The following PTPN7 variants were observed in gnomAD, a reference collection of about 807,000 sequenced individuals.
The protein encoded by PTPN7 is protein tyrosine phosphatase non-receptor type 7.
In PTPN7, 33 loss-of-function variants were observed where a neutral mutation model predicts 50.3. The ratio of observed to expected loss-of-function variants is 0.66; its 90% CI spans 0.50 to 0.88. The LOEUF (loss-of-function observed/expected upper bound fraction) is 0.88. Among genes scored for constraint, PTPN7 ranks in the 40% least tolerant of loss-of-function variants. The pLI is 0.00. For missense variants in PTPN7, 412 were observed against 475.4 expected (o/e 0.87, Z 1.24); for synonymous variants, 185 against 186.6 (o/e 0.99, Z 0.07).
At chr1:202,158,343 T>C in intron 2 of PTPN7, 42 bp from the exon 3 acceptor site, 4 of 1,597,086 alleles carry the variant, frequency 2.5e-6, no homozygotes, top group Non-Finnish European at 3.4e-6. Flanking sequence ...CACCCAATCA[T>C]ATTTGCTTTT....
upstream of PTPN7, chr1:202,161,102 A>C: frequency 1.5e-6 from 2 of 1,304,534 alleles, no homozygotes; most frequent in Non-Finnish European, 2.0e-6. Context: ...CACAGACCAC[A>C]TCTTCCCAGA....
chr1:202,153,345 A>G (rs1656258468), intron 7 of PTPN7, among the ~76,000 whole-genome samples: 1 of 152,100 alleles, frequency 6.6e-6, no homozygotes, highest in African/African-American at 2.4e-5. Flanking sequence ...GCTGGTCTGG[A>G]ACTCCTGACC....
intron 6 of PTPN7, 151 bp downstream of exon 6, chr1:202,154,035 A>C: frequency 8.4e-7 from 1 of 1,195,716 alleles, no homozygotes; most frequent in Non-Finnish European, 1.2e-6. Context: ...ACAGCCTCCC[A>C]GGGCTATATC....
Position 202,157,774 on chromosome 1 carries a change from T to C in PTPN7, c.356A>G (p.His119Arg). The C allele has an allele frequency of 6.2e-7, 1 of 1,614,168 alleles. No individual in the cohort carries two copies. Among genetic ancestry groups the C allele is most frequent in the Non-Finnish European group, 8.5e-7 (1 of 1,180,006 alleles). The change falls in exon 4 of 10, where the codon CAC becomes CGC. Residue 119 changes from histidine to arginine, a missense_variant. Transcript: ENST00000691036. Reference sequence around the variant, plus strand: ...GGTCTTGTATCGGTCCTTGGAGGCGTGGCCAGGGATGTCCAGGTCTTCGGG... The same window carrying C: ...GGTCTTGTATCGGTCCTTGGAGGCGCGGCCAGGGATGTCCAGGTCTTCGGG... ...VSPEDLDIPG[H>R]ASKDRYKTIL...
intron 9 of PTPN7, 90 bp downstream of exon 9, chr1:202,150,221 G>T: frequency 2.1e-6 from 2 of 971,444 alleles, no homozygotes; most frequent in Non-Finnish European, 3.2e-6. Context: ...AGGAGTGCTT[G>T]ATGGTGATGG....
intron 6 of PTPN7, 65 bp from the exon 7 acceptor site, chr1:202,153,900 G>A: frequency 7.4e-7 from 1 of 1,345,638 alleles, no homozygotes; most frequent in South Asian, 1.2e-5. Context: ...GCAGCAGAGA[G>A]GGGCTGGTAT....
chr1:202,153,163 T>C (rs1402652030), intron 7 of PTPN7, among the ~76,000 whole-genome samples: 2 of 152,200 alleles, frequency 1.3e-5, no homozygotes, highest in African/African-American at 4.8e-5. Flanking sequence ...TGTTTTATTT[T>C]GTTTGTTTTT....
intron 4 of PTPN7, among the ~76,000 whole-genome samples, 157 bp downstream of exon 4, chr1:202,157,582 G>A (rs1571758938): frequency 6.6e-6 from 1 of 152,036 alleles, no homozygotes. Flanking sequence ...TATTGCTGCT[G>A]TTGTGATTCT....
chr1:202,154,998 C>T (rs1656488314), intron 5 of PTPN7, among the ~76,000 whole-genome samples: 1 of 152,194 alleles, frequency 6.6e-6, no homozygotes, highest in South Asian at 2.1e-4. Context: ...GTCTTACCCA[C>T]ATTGAGTCAC....
rs899042472 is a variant in PTPN7, at chr1:202,160,281, G to A, written c.-53+264C>T. Among the ~76,000 whole-genome samples, 1 of 152,070 alleles carries A rather than the reference G, an allele frequency of 6.6e-6. No individual in the cohort carries two copies. The highest frequency in any genetic ancestry group is 6.5e-5 in the Admixed American group (1 of 15,272). The stretch of plus-strand genomic sequence containing the variant: ...GGACGGAGGTGAGGGGACAGAATGG[G>A]CCTGGCACAGGTGTGAGTGGTAGAG... On this transcript the variant is annotated intron_variant, in intron 1 of 9. Coordinates refer to ENST00000691036, the MANE Select transcript of PTPN7 (RefSeq NM_002832.4). The surrounding 1 kb of genome is among the most constrained non-coding windows in gnomAD (Gnocchi z 4.8).
At position 202,148,030 on chromosome 1, in the gene PTPN7, G is replaced by A. The variant is rs1430385958; in HGVS notation, c.*576C>T. On this transcript the variant is annotated 3_prime_UTR_variant, in exon 10 of 10. Coordinates refer to ENST00000691036, the MANE Select transcript of PTPN7 (RefSeq NM_002832.4). The stretch of plus-strand genomic sequence containing the variant: ...TCCAGCCCTTCCGATGTGTGGTCAG[G>A]GAGCAGAGTCACTGATAGGATGTTG... 6.6e-6 allele frequency: 1 copy of A among 152,274 alleles called. No individual in the cohort carries two copies. The highest frequency in any genetic ancestry group is 1.9e-4 in the East Asian group (1 of 5,200). The allele number at this position is 152,274 out of a possible 1,614,324, so 9.4% of individuals were successfully genotyped here.
chr1:202,155,612 A>G lies in PTPN7; in HGVS notation c.392-3T>C, dbSNP rs770656339. On this transcript the variant is annotated splice_polypyrimidine_tract_variant and splice_region_variant and intron_variant, in intron 4 of 9. Transcript: ENST00000691036. ...TAGACAGACACGGCTCTGGGGATCT[A>G]GGAAATAAAAATCAGCAGAGGTCAG... 3 of 1,553,618 alleles carry G rather than the reference A, an allele frequency of 1.9e-6. No homozygotes were observed. In the South Asian group the frequency reaches 3.3e-5, roughly 17 times the overall value.
rs1657178010 is a variant in PTPN7 at position 202,160,032 on chromosome 1, T to C, written c.-53+513A>G. ...TCCAGGGAGGTAGGCTGGAGGTGTT[T>C]CCTTCCTCCTCCTGCCCATCCCCCC... is the stretch of plus-strand genomic sequence containing the variant. On this transcript the variant is annotated intron_variant, in intron 1 of 9. Coordinates refer to ENST00000691036, the MANE Select transcript of PTPN7 (RefSeq NM_002832.4). The surrounding 1 kb of genome is among the most constrained non-coding windows in gnomAD (Gnocchi z 4.8). 2 of 948,448 alleles carry C rather than the reference T, an allele frequency of 2.1e-6. No homozygotes were observed. Among genetic ancestry groups the C allele is most frequent in the African/African-American group, 1.8e-5 (1 of 56,466 alleles). 58.8% of individuals were successfully genotyped at this position (948,448 alleles called of 1,614,324 possible).
chr1:202,154,478 A>C (rs1176728613), intron 5 of PTPN7, among the ~76,000 whole-genome samples, 155 bp from the exon 6 acceptor site: 1 of 152,206 alleles, frequency 6.6e-6, no homozygotes, highest in Non-Finnish European at 1.5e-5. Flanking sequence ...AAGCCACATG[A>C]TGGAAAGGAT....
At position 202,160,514 on chromosome 1, in the gene PTPN7, A is replaced by G. The variant is rs1338017435; in HGVS notation, c.-53+31T>C. 6.5e-7 allele frequency: 1 copy of G among 1,528,870 alleles called. No homozygotes were observed. The highest frequency in any genetic ancestry group is 8.8e-7 in the Non-Finnish European group (1 of 1,130,788). The allele number at this position is 1,528,870 out of a possible 1,614,324, so 94.7% of individuals were successfully genotyped here. A position where few individuals can be genotyped will look rare whatever the true frequency, so the allele number is the denominator to read the frequency against. ...CGGAGTTCGCACCCCCCGGGGCCAC[A>G]GGACTCCCAGTCCCCCCTTCAGATA... On this transcript the variant is annotated intron_variant, in intron 1 of 9. Coordinates refer to ENST00000691036, the MANE Select transcript of PTPN7 (RefSeq NM_002832.4). This position sits in a 1 kb window ranked among gnomAD's most constrained non-coding sequence, Gnocchi z 4.8.
In PTPN7 at chr1:202,158,043, C is replaced by T. The variant is rs890869648; in HGVS notation, c.306+75G>A. On this transcript the variant is annotated intron_variant, in intron 3 of 9. Transcript: ENST00000691036. The stretch of plus-strand genomic sequence containing the variant: ...AAAGGGGAGACTTGCCCAGGGTGCC[C>T]GTGAGAGAATGGTTCCAGCTGGCTG... 28 of 1,474,700 alleles carry T rather than the reference C, an allele frequency of 1.9e-5. No individual in the cohort carries two copies. The Admixed American group carries it at 1.9e-4, about 10-fold the overall frequency. 91.4% of individuals were successfully genotyped at this position (1,474,700 alleles called of 1,614,324 possible). A position where few individuals can be genotyped will look rare whatever the true frequency, so the allele number is the denominator to read the frequency against.
chr1:202,157,537 G>A (rs910992625), intron 4 of PTPN7, among the ~76,000 whole-genome samples: 1 of 151,884 alleles, frequency 6.6e-6, no homozygotes, highest in East Asian at 1.9e-4. Flanking sequence ...ATTGAGAACA[G>A]GGCCTGGCCC....
intron 8 of PTPN7, among the ~76,000 whole-genome samples, chr1:202,151,813 A>T (rs1280239365): frequency 6.6e-6 from 1 of 152,116 alleles, no homozygotes; most frequent in Non-Finnish European, 1.5e-5. Flanking sequence ...CACTGCACCC[A>T]GCCTAATCTG....
rs752794133 is a variant in PTPN7 at position 202,158,197 on chromosome 1, C to T, written c.227G>A (p.Arg76His). The T allele has an allele frequency of 8.1e-6, 13 of 1,613,744 alleles. No individual in the cohort carries two copies. The highest frequency in any genetic ancestry group is 3.3e-5 in the Admixed American group (2 of 59,964). ...GCGGGTAAGGGGGTGTCCAGCAGTGCGCAGAAAGTGTAGGGTGACCTCCCG... is the reference window on the plus strand; with the variant it reads ...GCGGGTAAGGGGGTGTCCAGCAGTGTGCAGAAAGTGTAGGGTGACCTCCCG... ...TPREVTLHFL[R>H]TAGHPLTRWA... The change falls in exon 3 of 10, where the codon CGC (arginine) becomes CAC (histidine). Residue 76 changes from arginine to histidine, a missense_variant. By Grantham distance (29) the Arg-to-His change is conservative. Transcript: ENST00000691036.
Sources: allele counts gnomAD v4.1 joint callset (sites outside exome capture counted in the v4.1 genomes callset), GRCh38; gene constraint gnomAD v4.1.1; non-coding constraint Gnocchi (gnomAD v3.1); transcripts MANE v1.5; gene names NCBI Gene and HGNC (gene_info 2026-07-23, HGNC 2026-07-21).